The following CAST variants were observed in gnomAD, a reference collection of about 807,000 sequenced individuals.
CAST encodes MIR583 host.
A neutral mutation model predicts 119.6 loss-of-function variants in CAST; 76 were observed. That is an observed-to-expected ratio of 0.64 (90% confidence interval 0.53 to 0.77). The LOEUF is 0.77. CAST is among the 30% of genes least tolerant of loss of function. CAST has a pLI of 0.00. For synonymous variants in CAST, 319 were observed against 331.6 expected, an observed-to-expected ratio of 0.96 and a Z score of 0.41; for missense variants, 953 against 946.5, an observed-to-expected ratio of 1.01 and a Z score of -0.09.
At chr5:96,503,034 T>C in the CAST span, among the ~76,000 whole-genome samples, 1 of 152,210 alleles carries the variant, frequency 6.6e-6, no homozygotes, top group African/African-American at 2.4e-5. Context: ...AGCTAGTTGT[T>C]GGTTGCCTTA....
intron 1 of CAST, among the ~76,000 whole-genome samples, chr5:96,551,019 C>G (rs1746116248): frequency 6.6e-6 from 1 of 152,120 alleles, no homozygotes; most frequent in Non-Finnish European, 1.5e-5. Flanking sequence ...GAAAACTTCC[C>G]CAATCTAGCA....
intron 3 of CAST, among the ~76,000 whole-genome samples, chr5:96,702,180 A>AT (rs1753988849): frequency 6.6e-6 from 1 of 152,074 alleles, no homozygotes; most frequent in Admixed American, 6.5e-5. Context: ...CTTTTCATTT[A>AT]TTTTAAAATT....
At chr5:96,183,833 A>AT in the CAST span, among the ~76,000 whole-genome samples, 1 of 152,202 alleles carries the variant, frequency 6.6e-6, no homozygotes, top group South Asian at 2.1e-4. Flanking sequence ...TGAGGGTGGA[A>AT]TGTAGGCACA....
the CAST span, among the ~76,000 whole-genome samples, chr5:96,140,358 C>T: frequency 6.6e-6 from 1 of 152,200 alleles, no homozygotes; most frequent in Non-Finnish European, 1.5e-5. Flanking sequence ...AATTGCTTAA[C>T]CTTTCTTGAT....
At chr5:96,379,453 G>T in the CAST span, 1 of 152,146 alleles carries the variant, frequency 6.6e-6, no homozygotes, top group South Asian at 2.1e-4. Context: ...TAGCATAGGA[G>T]AAATAGCTAG....
chr5:96,546,592 CTG>C (rs1746021468), intron 1 of CAST: 1 of 152,034 alleles, frequency 6.6e-6, no homozygotes, highest in Admixed American at 6.6e-5. Context: ...CAGGTATTCT[CTG>C]TGACTTTCCC....
rs1208214132 is a variant in CAST at position 96,774,598 on chromosome 5, A to G, written c.*1982A>G. The G allele has an allele frequency of 9.1e-6, 9 of 985,566 alleles. No homozygotes were observed. Among genetic ancestry groups the G allele is most frequent in the East Asian group, 1.1e-4 (1 of 8,950 alleles). The allele number at this position is 985,566 out of a possible 1,614,324, so 61.1% of individuals were successfully genotyped here. A position where few individuals can be genotyped will look rare whatever the true frequency, so the allele number is the denominator to read the frequency against. ...AAAAGCAAACAAAGATAGGTTCCTCAGGTGACCAAAACTGAAAATCAATAT... is the reference window on the plus strand; with the variant it reads ...AAAAGCAAACAAAGATAGGTTCCTCGGGTGACCAAAACTGAAAATCAATAT... On this transcript the variant is annotated 3_prime_UTR_variant, in exon 32 of 32. Coordinates refer to ENST00000675179, the MANE Select transcript of CAST (RefSeq NM_001750.7).
At chr5:96,672,608 G>A (rs987230379) in intron 1 of CAST, among the ~76,000 whole-genome samples, 1 of 150,840 alleles carries the variant, frequency 6.6e-6, no homozygotes, top group Admixed American at 6.6e-5. Context: ...TTGGGAGGCT[G>A]AGGCACAAGA....
chr5:96,736,884 A>C (rs938854942), intron 10 of CAST, among the ~76,000 whole-genome samples: 13 of 152,208 alleles, frequency 8.5e-5, no homozygotes, highest in Admixed American at 2.0e-4. Flanking sequence ...TGGGTAATTT[A>C]TAAAGAAAAG....
chr5:96,345,813 T>C, the CAST span, among the ~76,000 whole-genome samples: 1 of 152,190 alleles, frequency 6.6e-6, no homozygotes, highest in Admixed American at 6.5e-5. Context: ...CATATCTCCA[T>C]AGGGCAGAGT....
At chr5:96,120,216 T>C in the CAST span, among the ~76,000 whole-genome samples, 2 of 152,144 alleles carry the variant, frequency 1.3e-5, no homozygotes. Context: ...AAAACTGCCT[T>C]GGGCTCCTGC....
chr5:96,270,960 A>G, the CAST span, among the ~76,000 whole-genome samples: 1 of 152,186 alleles, frequency 6.6e-6, no homozygotes, highest in Non-Finnish European at 1.5e-5. Context: ...AGCAACACAC[A>G]AAAAGCAGTA....
intron 1 of CAST, among the ~76,000 whole-genome samples, chr5:96,556,784 T>C (rs1377666509): frequency 6.6e-6 from 1 of 152,210 alleles, no homozygotes; most frequent in East Asian, 1.9e-4. Flanking sequence ...GAAAACACTC[T>C]GCAGGATATT....
intron 2 of CAST, among the ~76,000 whole-genome samples, chr5:96,688,847 T>G (rs1752380925): frequency 1.3e-5 from 2 of 152,194 alleles, no homozygotes; most frequent in Non-Finnish European, 1.5e-5. Context: ...GTTTTACCAA[T>G]GACCAGAAAA....
At chr5:96,414,791 TA>T in the CAST span, among the ~76,000 whole-genome samples, 1 of 152,222 alleles carries the variant, frequency 6.6e-6, no homozygotes, top group Non-Finnish European at 1.5e-5. Flanking sequence ...GCTAATTACA[TA>T]ATTTGTGCTT....
the CAST span, among the ~76,000 whole-genome samples, chr5:96,302,844 T>C: frequency 2.6e-5 from 4 of 152,220 alleles, no homozygotes; most frequent in African/African-American, 9.6e-5. Flanking sequence ...AGGTCCAGAA[T>C]GTTCCAAACT....
intron 22 of CAST, among the ~76,000 whole-genome samples, chr5:96,756,369 C>G (rs1012250697): frequency 7.2e-5 from 11 of 152,170 alleles, no homozygotes; most frequent in East Asian, 3.8e-4. Context: ...TCCCCTGTAC[C>G]TGAAGAATGG....
At chr5:96,507,745 G>C in the CAST span, among the ~76,000 whole-genome samples, 100 of 152,202 alleles carry the variant, frequency 6.6e-4, no homozygotes, top group African/African-American at 2.4e-3. Context: ...CAAGAGTGGG[G>C]TAGGCTTTCC....
At chr5:96,142,853 T>G in the CAST span, among the ~76,000 whole-genome samples, 2 of 152,224 alleles carry the variant, frequency 1.3e-5, no homozygotes, top group African/African-American at 4.8e-5. Flanking sequence ...TCACAGGGCA[T>G]GTACTAATTA....
Sources: gnomAD v4.1 joint callset for allele counts (sites outside exome capture counted in the v4.1 genomes callset) on GRCh38, gnomAD v4.1.1 for gene constraint, MANE v1.5 for transcripts, NCBI Gene and HGNC (gene_info 2026-07-23, HGNC 2026-07-21) for gene names.